Variants in ATF7IP observed in about 807,000 individuals in gnomAD.
ATF7IP encodes activating transcription factor 7 interacting protein.
A neutral mutation model predicts 106.4 loss-of-function variants in ATF7IP; 23 were observed. The observed-to-expected ratio is 0.22, with a 90% CI of 0.16 to 0.31. The LOEUF (loss-of-function observed/expected upper bound fraction) is 0.31. ATF7IP is among the 10% of genes least tolerant of loss of function. The pLI is 1.00. For missense variants in ATF7IP, 1,334 were observed against 1,524.3 expected (o/e 0.88, Z 2.08); for synonymous variants, 542 against 539.0 (o/e 1.01, Z -0.08).
chr12:14,489,275 T>C (rs916122376), intron 13 of ATF7IP, among the ~76,000 whole-genome samples: 2 of 152,332 alleles, frequency 1.3e-5, no homozygotes, highest in Middle Eastern at 3.4e-3. Context: ...TGATTTCTTC[T>C]TGGCAGTCCG....
Position 14,370,798 on chromosome 12 carries a change from A to G in ATF7IP, c.-8+4971A>G, listed in dbSNP as rs1205689988. Among the ~76,000 whole-genome samples, 3 of 152,178 alleles carry G rather than the reference A, an allele frequency of 2.0e-5. 1 individual carries two copies. Among genetic ancestry groups the G allele is most frequent in the Admixed American group, 1.3e-4 (2 of 15,278 alleles). On this transcript the variant is annotated intron_variant, in intron 1 of 14. Transcript: ENST00000261168. ...TCAATCTGGTTTAGGACATGATGAC[A>G]TAAAAGTAGTATCAGTATGAAGTTA...
At chr12:14,379,073 C>T (rs912748914) in intron 1 of ATF7IP, among the ~76,000 whole-genome samples, 1 of 152,148 alleles carries the variant, frequency 6.6e-6, no homozygotes, top group African/African-American at 2.4e-5. Flanking sequence ...AATGTTAAAT[C>T]ATAATCCTCT....
rs1478693784 is a variant in ATF7IP at position 14,434,161 on chromosome 12, TG to T, written c.1559-174del. Among the ~76,000 whole-genome samples the T allele has an allele frequency of 2.0e-5, 3 of 152,222 alleles. 1 individual carries two copies. The highest frequency in any genetic ancestry group is 4.1e-4 in the South Asian group (2 of 4,834). ...ATTGCAGAACAGTTGAATGTGGACG[TG>T]GTCATTCATTCGATCAGTTCCTGCT... On this transcript the variant is annotated intron_variant, in intron 2 of 14. Transcript: ENST00000261168.
In ATF7IP at chr12:14,490,953, CT is replaced by C. The variant is rs200019055; in HGVS notation, c.3281-5275del. Among the ~76,000 whole-genome samples the C allele has an allele frequency of 8.6e-3, 1,307 of 152,254 alleles. 12 individuals are homozygous for C. Among genetic ancestry groups the C allele is most frequent in the African/African-American group, 0.028 (1,154 of 41,538 alleles). ...AAATGTTCAGTTTCCACCAAAGCCC[CT>C]TTAACAGGCCAAGAGCTGTCTCTCA... On this transcript the variant is annotated intron_variant, in intron 13 of 14. Coordinates refer to ENST00000261168, the MANE Select transcript of ATF7IP (RefSeq NM_018179.5).
At chr12:14,430,019 A>G (rs1463087545) in intron 2 of ATF7IP, among the ~76,000 whole-genome samples, 1 of 152,204 alleles carries the variant, frequency 6.6e-6, no homozygotes, top group Non-Finnish European at 1.5e-5. Flanking sequence ...TTAGGTGACA[A>G]GATGAAATCA....
chr12:14,423,930 A>C lies in ATF7IP; in HGVS notation c.15A>C (p.Glu5Asp). ...AAAGATTCAGAATGGACAGTTTAGAAGAACCTCAGAAAAAAGTCTTTAAGG... is the reference window on the plus strand; with the variant it reads ...AAAGATTCAGAATGGACAGTTTAGACGAACCTCAGAAAAAAGTCTTTAAGG... MDSL[E>D]EPQKKVFKAR... The change falls in exon 2 of 15, where the codon GAA becomes GAC. Residue 5 changes from glutamate (E) to aspartate (D), a missense_variant. This residue lies in a region of ATF7IP where 74 missense variants were observed against 101.9 expected (regional missense o/e 0.73). Coordinates refer to ENST00000261168, the MANE Select transcript of ATF7IP (RefSeq NM_018179.5). 1 of 1,602,718 alleles carries C rather than the reference A, an allele frequency of 6.2e-7. No individual in the cohort carries two copies. Among genetic ancestry groups the C allele is most frequent in the Non-Finnish European group, 8.5e-7 (1 of 1,175,948 alleles).
intron 5 of ATF7IP, among the ~76,000 whole-genome samples, chr12:14,443,842 A>G (rs1591873308): frequency 2.0e-5 from 3 of 152,304 alleles, no homozygotes; most frequent in African/African-American, 7.2e-5. Context: ...TAAGGACAAT[A>G]TATTCTAATA....
intron 1 of ATF7IP, among the ~76,000 whole-genome samples, chr12:14,390,299 G>A (rs1011370734): frequency 6.6e-6 from 1 of 152,204 alleles, no homozygotes; most frequent in African/African-American, 2.4e-5. Flanking sequence ...AGAAGATATG[G>A]CACCTTTTGT....
chr12:14,478,471 AG>A lies in ATF7IP; in HGVS notation c.3097+1del. The part of the protein sequence containing the change: ...SQTTIHLLPT[A>X]PTTVNVTHRP... ...AGACCACCATACACTTACTACCTAC[AG>A]GTAAATTTGTTGAATCATTGAGTAG... On this transcript the variant is annotated frameshift_variant and splice_region_variant, in exon 12 of 15. Coordinates refer to ENST00000261168, the MANE Select transcript of ATF7IP (RefSeq NM_018179.5). LOFTEE classifies it high-confidence loss of function. The A allele has an allele frequency of 6.2e-7, 1 of 1,613,880 alleles. No individual in the cohort carries two copies. The highest frequency in any genetic ancestry group is 1.7e-5 in the Admixed American group (1 of 60,010).
intron 9 of ATF7IP, 52 bp downstream of exon 9, chr12:14,461,185 T>G: frequency 6.7e-7 from 1 of 1,501,232 alleles, no homozygotes; most frequent in Non-Finnish European, 8.9e-7. Context: ...TTAATAGCCT[T>G]GTAATGATTG....
intron 14 of ATF7IP, among the ~76,000 whole-genome samples, chr12:14,496,594 T>G (rs996549567): frequency 6.6e-6 from 1 of 152,228 alleles, no homozygotes. Context: ...TTGGGGTATA[T>G]GAAGTGAAAT....
intron 13 of ATF7IP, among the ~76,000 whole-genome samples, chr12:14,491,425 A>G (rs561590831): frequency 6.6e-6 from 1 of 152,340 alleles, no homozygotes. Flanking sequence ...CTGAGGTAGA[A>G]GATCCCTGAA....
intron 1 of ATF7IP, among the ~76,000 whole-genome samples, chr12:14,383,836 A>C (rs1939102202): frequency 6.6e-6 from 1 of 152,196 alleles, no homozygotes; most frequent in Non-Finnish European, 1.5e-5. Context: ...TGTTGGGATT[A>C]TAGGTGTGAA....
intron 9 of ATF7IP, among the ~76,000 whole-genome samples, chr12:14,462,970 A>G (rs1181069514): frequency 6.6e-6 from 1 of 152,018 alleles, no homozygotes; most frequent in Non-Finnish European, 1.5e-5. Context: ...AATGCTAACT[A>G]AAATGAGATT....
chr12:14,411,512 T>G (rs1940912433), intron 1 of ATF7IP, among the ~76,000 whole-genome samples: 1 of 151,860 alleles, frequency 6.6e-6, no homozygotes, highest in Admixed American at 6.6e-5. Flanking sequence ...ATTCTGCACA[T>G]GTACCCCAGA....
chr12:14,469,860 T>C (rs2136764143), intron 10 of ATF7IP, among the ~76,000 whole-genome samples: 1 of 152,334 alleles, frequency 6.6e-6, no homozygotes, highest in South Asian at 2.1e-4. Context: ...GAATTTGTTT[T>C]TTCTCTGGCT....
intron 7 of ATF7IP, 104 bp from the exon 8 acceptor site, chr12:14,457,103 T>C (rs771012811): frequency 1.3e-4 from 125 of 967,548 alleles, no homozygotes; most frequent in Middle Eastern, 1.0e-3. Flanking sequence ...AACCCAAGTC[T>C]AGCCACCCTT....
chr12:14,431,097 C>G (rs1001209564), intron 2 of ATF7IP, among the ~76,000 whole-genome samples: 8 of 152,256 alleles, frequency 5.3e-5, no homozygotes, highest in African/African-American at 1.9e-4. Context: ...ATTTTGTAAT[C>G]CTTTAAAAAC....
intron 1 of ATF7IP, among the ~76,000 whole-genome samples, chr12:14,382,460 CAG>C (rs1939038338): frequency 6.6e-6 from 1 of 152,254 alleles, no homozygotes; most frequent in Non-Finnish European, 1.5e-5. Context: ...TAGATTTTCT[CAG>C]AGTCATCTAT....
Sources: allele counts gnomAD v4.1 joint callset (sites outside exome capture counted in the v4.1 genomes callset), GRCh38; gene constraint gnomAD v4.1.1; regional missense constraint gnomAD v4.1.1; transcripts MANE v1.5; gene names NCBI Gene and HGNC (gene_info 2026-07-23, HGNC 2026-07-21).